SOX5: variants seen among roughly 807,000 people sequenced by gnomAD.
The protein encoded by SOX5 is SRY-box transcription factor 5.
A neutral mutation model predicts 92.0 loss-of-function variants in SOX5; 9 were observed. The ratio of observed to expected loss-of-function variants is 0.10; its 90% CI spans 0.06 to 0.17. The LOEUF (loss-of-function observed/expected upper bound fraction) is 0.17, where lower values mean the gene tolerates loss of function less well. Ranked by LOEUF, SOX5 falls within the 10% of genes least tolerant of loss-of-function variation. SOX5 has a pLI of 1.00. For missense variants in SOX5, 642 were observed against 944.5 expected (o/e 0.68, Z 4.20); for synonymous variants, 344 against 336.3 (o/e 1.02, Z -0.25).
chr12:24,026,852 T>G (rs1407377778), intron 4 of SOX5, among the ~76,000 whole-genome samples: 2 of 151,908 alleles, frequency 1.3e-5, no homozygotes, highest in Non-Finnish European at 2.9e-5. Context: ...GAATATAAAA[T>G]CTGAGGCCAC....
intron 4 of SOX5, among the ~76,000 whole-genome samples, chr12:24,207,816 G>C (rs1958171778): frequency 1.3e-5 from 2 of 152,112 alleles, no homozygotes; most frequent in South Asian, 4.1e-4. Flanking sequence ...GCAACTTTCA[G>C]CATCAAGTTT....
intron 9 of SOX5, among the ~76,000 whole-genome samples, chr12:23,585,406 C>A (rs1376761003): frequency 6.6e-6 from 1 of 152,144 alleles, no homozygotes; most frequent in Admixed American, 6.6e-5. Context: ...CTCCTATTAA[C>A]GTAACTTGAG....
chr12:24,475,762 G>A (rs114917524), intron 1 of SOX5, among the ~76,000 whole-genome samples: 2 of 152,250 alleles, frequency 1.3e-5, no homozygotes, highest in African/African-American at 4.8e-5. Flanking sequence ...CCAGAGGATC[G>A]CTTGAGCTCA....
chr12:24,489,948 T>G (rs906894109), intron 1 of SOX5, among the ~76,000 whole-genome samples: 1 of 152,254 alleles, frequency 6.6e-6, no homozygotes, highest in African/African-American at 2.4e-5. Flanking sequence ...TAACTTTTAA[T>G]GTGGTGTTTA....
chr12:24,270,587 C>T (rs1196904597), intron 3 of SOX5, among the ~76,000 whole-genome samples: 1 of 152,090 alleles, frequency 6.6e-6, no homozygotes, highest in Non-Finnish European at 1.5e-5. Flanking sequence ...AAGCACATGC[C>T]CATGGAAGCA....
At chr12:23,715,827 A>AAAAC (rs796925316) in intron 6 of SOX5, among the ~76,000 whole-genome samples, 2,338 of 151,434 alleles carry the variant, frequency 0.015, 27 homozygotes, top group South Asian at 0.03. Flanking sequence ...AAAAAAAAAA[A>AAAAC]AAAAAACTTG....
At position 23,815,444 on chromosome 12, in the gene SOX5, C is replaced by T. The variant is rs556757111; in HGVS notation, c.481+30539G>A. Among the ~76,000 whole-genome samples, 4 of 152,212 alleles carry T rather than the reference C, an allele frequency of 2.6e-5. No individual in the cohort carries two copies. The South Asian group carries it at 8.3e-4, about 32-fold the overall frequency. On this transcript the variant is annotated intron_variant, in intron 3 of 14. Transcript: ENST00000451604. Reference sequence around the variant, plus strand: ...TTACCACAGAACACCTAATCAACACCAATAATAAAACTGATAACTGATAAG... The same window carrying T: ...TTACCACAGAACACCTAATCAACACTAATAATAAAACTGATAACTGATAAG...
chr12:24,290,949 C>A (rs1040068445), intron 2 of SOX5, among the ~76,000 whole-genome samples: 1 of 152,178 alleles, frequency 6.6e-6, no homozygotes, highest in Non-Finnish European at 1.5e-5. Context: ...GGGCTAAGTT[C>A]ACATAGCTAC....
intron 1 of SOX5, among the ~76,000 whole-genome samples, chr12:24,471,061 C>T (rs190957020): frequency 3.9e-5 from 6 of 152,116 alleles, no homozygotes; most frequent in South Asian, 2.1e-4. Context: ...TGCTGCTTTG[C>T]GGATTATCAT....
At chr12:23,621,203 G>A (rs2077134682) in intron 8 of SOX5, among the ~76,000 whole-genome samples, 1 of 152,008 alleles carries the variant, frequency 6.6e-6, no homozygotes, top group African/African-American at 2.4e-5. Flanking sequence ...TAGGCTAAAT[G>A]ACATAAACCA....
intron 2 of SOX5, among the ~76,000 whole-genome samples, chr12:24,285,130 C>A (rs1426774074): frequency 6.6e-6 from 1 of 151,908 alleles, no homozygotes; most frequent in Non-Finnish European, 1.5e-5. Context: ...GAGTGAGATT[C>A]CATCTCAAAA....
At chr12:23,601,413 T>C (rs2074478785) in intron 9 of SOX5, among the ~76,000 whole-genome samples, 1 of 152,196 alleles carries the variant, frequency 6.6e-6, no homozygotes, top group South Asian at 2.1e-4. Flanking sequence ...TTGTGACTTA[T>C]GATTTCATTG....
At chr12:24,050,084 C>CA (rs10687571) in intron 4 of SOX5, among the ~76,000 whole-genome samples, 19,797 of 74,118 alleles carry the variant, frequency 0.27, 3,125 homozygotes, top group Middle Eastern at 0.29. Context: ...GGCGCAGAGG[C>CA]AAAAAAAAAA....
At chr12:23,758,520 A>G (rs1269891445) in intron 3 of SOX5, among the ~76,000 whole-genome samples, 1 of 151,996 alleles carries the variant, frequency 6.6e-6, no homozygotes, top group Non-Finnish European at 1.5e-5. Context: ...GACTGCTCAC[A>G]GTAATCTGCT....
At chr12:23,575,437 T>C (rs1048282293) in intron 10 of SOX5, among the ~76,000 whole-genome samples, 7 of 152,252 alleles carry the variant, frequency 4.6e-5, no homozygotes, top group Non-Finnish European at 8.8e-5. Context: ...GTTAGAAATA[T>C]AGATATAACC....
At chr12:23,964,860 A>C (rs1947356734) in intron 4 of SOX5, among the ~76,000 whole-genome samples, 1 of 152,254 alleles carries the variant, frequency 6.6e-6, no homozygotes, top group Non-Finnish European at 1.5e-5. Context: ...CCACCTTGAG[A>C]AATGAGCCTT....
intron 4 of SOX5, among the ~76,000 whole-genome samples, chr12:24,113,965 C>CA (rs1947673402): frequency 6.6e-6 from 1 of 152,032 alleles, no homozygotes; most frequent in Non-Finnish European, 1.5e-5. Context: ...AACTCCCTCA[C>CA]AAAAAAATGT....
rs5797023 is a variant in SOX5, at chr12:23,540,361, TATAATAATAATA to T, written c.1771+2838_1771+2849del. 2.8e-3 allele frequency among the ~76,000 whole-genome samples: 404 copies of T among 142,786 alleles called. 1 individual carries two copies. The highest frequency in any genetic ancestry group is 5.6e-3 in the Admixed American group (80 of 14,262). The allele number at this position is 142,786 out of a possible 152,430, so 93.7% of individuals were successfully genotyped here. On this transcript the variant is annotated intron_variant, in intron 13 of 14. Transcript: ENST00000451604. ...TGGACATGTACCCTAAAACTTAAAG[TATAATAATAATA>T]ATAATAATAATAATAATAATAATAA...
intron 11 of SOX5, among the ~76,000 whole-genome samples, chr12:23,548,650 T>TA (rs1943610381): frequency 2.0e-5 from 3 of 151,810 alleles, no homozygotes; most frequent in Non-Finnish European, 4.4e-5. Flanking sequence ...CACATTTTTT[T>TA]TAAAAAAAGT....
Sources: allele counts gnomAD v4.1 joint callset (sites outside exome capture counted in the v4.1 genomes callset), GRCh38; gene constraint gnomAD v4.1.1; transcripts MANE v1.5; gene names NCBI Gene and HGNC (gene_info 2026-07-23, HGNC 2026-07-21).